EPCAM: variants seen among roughly 807,000 people sequenced by gnomAD.
EPCAM encodes adenocarcinoma-associated antigen.
EPCAM carries 39 observed loss-of-function variants against 40.0 expected under a neutral mutation model. The ratio of observed to expected loss-of-function variants is 0.98; its 90% confidence interval spans 0.76 to 1.27. EPCAM has a LOEUF of 1.27. Among genes scored for constraint, EPCAM ranks in the 50% most tolerant of loss-of-function variants. The pLI is 0.00. For missense variants in EPCAM, 503 were observed against 381.2 expected (o/e 1.32, Z -2.66); for synonymous variants, 168 against 132.3 (o/e 1.27, Z -1.85).
chr2:47,370,686 C>T (rs1227309749), intron 1 of EPCAM, among the ~76,000 whole-genome samples: 1 of 152,012 alleles, frequency 6.6e-6, no homozygotes, highest in East Asian at 1.9e-4. Flanking sequence ...CATCCTTCTG[C>T]GTCAGCCTTT....
At chr2:47,373,428 A>G in intron 1 of EPCAM, 35 bp from the exon 2 acceptor site, 1 of 1,357,466 alleles carries the variant, frequency 7.4e-7, no homozygotes, top group Non-Finnish European at 1.0e-6. Context: ...TAATAGATCC[A>G]CATTTTAAAG....
chr2:47,384,230 A>G (rs761946091), intron 7 of EPCAM, among the ~76,000 whole-genome samples: 6 of 151,028 alleles, frequency 4.0e-5, no homozygotes, highest in Non-Finnish European at 5.9e-5. Context: ...CAGCCTCCCG[A>G]GTAGATGGGA....
In EPCAM at chr2:47,382,520, C is replaced by A. The variant is rs111974072; in HGVS notation, c.858+2551C>A. 2.7e-3 allele frequency among the ~76,000 whole-genome samples: 407 copies of A among 152,212 alleles called. 3 individuals carry two copies. Among genetic ancestry groups the A allele is most frequent in the African/African-American group, 8.2e-3 (339 of 41,522 alleles). The stretch of plus-strand genomic sequence containing the variant: ...TGACCAACACGGAGAAACCCCGTCT[C>A]TACTAAAAATACAAAATGAGCCAGG... On this transcript the variant is annotated intron_variant, in intron 7 of 8. Transcript: ENST00000263735.
chr2:47,384,853 C>T (rs773126174), intron 7 of EPCAM, among the ~76,000 whole-genome samples: 16 of 152,186 alleles, frequency 1.1e-4, no homozygotes, highest in African/African-American at 3.6e-4. Context: ...ACTACAGGTG[C>T]GTGCCATGAC....
chr2:47,386,597 G>A lies in EPCAM; in HGVS notation c.929G>A (p.Arg310Lys). Residue 310 changes from arginine to lysine, a missense_variant, in exon 9 of 9, where the codon AGG (arginine) becomes AAG (lysine). Coordinates refer to ENST00000263735, the MANE Select transcript of EPCAM (RefSeq NM_002354.3). ...AEIKEMGEMH[R>K]ELNA is the part of the protein sequence containing the mutation. ...ATAAAGGAGATGGGTGAGATGCATA[G>A]GGAACTCAATGCATAACTATATAAT... is the stretch of plus-strand genomic sequence containing the variant. 1 of 1,606,596 alleles carries A rather than the reference G, an allele frequency of 6.2e-7. No homozygotes were observed. Among genetic ancestry groups the A allele is most frequent in the Non-Finnish European group, 8.5e-7 (1 of 1,174,146 alleles).
chr2:47,375,350 T>A, intron 4 of EPCAM, 51 bp downstream of exon 4: 2 of 1,174,114 alleles, frequency 1.7e-6, no homozygotes, highest in Non-Finnish European at 2.6e-6. Flanking sequence ...GGCTCAAATC[T>A]TCCATCCTAC....
chr2:47,371,328 A>G (rs1172632563), intron 1 of EPCAM, among the ~76,000 whole-genome samples: 1 of 151,192 alleles, frequency 6.6e-6, no homozygotes, highest in Non-Finnish European at 1.5e-5. Context: ...TGGCACATTT[A>G]CATGTCACTG....
chr2:47,375,709 T>A (rs917529647), intron 4 of EPCAM, among the ~76,000 whole-genome samples: 10 of 146,952 alleles, frequency 6.8e-5, no homozygotes, highest in African/African-American at 2.5e-4. Flanking sequence ...TAGGAAAAAT[T>A]TTTTTTTTTT....
rs565682940 is a variant in EPCAM at position 47,379,831 on chromosome 2, G to A, written c.720G>A (p.Leu240=). ...ACCTGACAGTAAATGGGGAACAACT[G>A]GATCTGGATCCTGGTCAAACTTTAA... The part of the protein sequence containing the change: ...KMDLTVNGEQ[L]DLDPGQTLIY... The change falls in exon 7 of 9, where the codon CTG becomes CTA. Residue 240 remains leucine (L), a synonymous_variant. Transcript: ENST00000263735. The A allele has an allele frequency of 6.2e-7, 1 of 1,614,026 alleles. No homozygotes were observed. The highest frequency in any genetic ancestry group is 1.3e-5 in the African/African-American group (1 of 75,020).
chr2:47,377,195 G>A lies in EPCAM; in HGVS notation c.555+118G>A, dbSNP rs1050328172. 2.5e-5 allele frequency: 19 copies of A among 770,646 alleles called. No homozygotes were observed. In the South Asian group the frequency reaches 2.5e-4, roughly 10 times the overall value. The allele number at this position is 770,646 out of a possible 1,614,324, so 47.7% of individuals were successfully genotyped here. Reference sequence around the variant, plus strand: ...ATGCACTTACTGGAGCAACAGTTTCGGATCTGGGTACTTAATGTGAATTTC... The same window carrying A: ...ATGCACTTACTGGAGCAACAGTTTCAGATCTGGGTACTTAATGTGAATTTC... On this transcript the variant is annotated intron_variant, in intron 5 of 8. Coordinates refer to ENST00000263735, the MANE Select transcript of EPCAM (RefSeq NM_002354.3).
chr2:47,383,801 A>C (rs1266406619), intron 7 of EPCAM, among the ~76,000 whole-genome samples: 1 of 148,948 alleles, frequency 6.7e-6, no homozygotes, highest in Non-Finnish European at 1.5e-5. Flanking sequence ...TACCTGGCTA[A>C]TTTTTTTGTA....
chr2:47,369,769 G>C (rs1285019204), intron 1 of EPCAM, 188 bp downstream of exon 1: 2 of 713,814 alleles, frequency 2.8e-6, no homozygotes, highest in Non-Finnish European at 5.2e-6. Flanking sequence ...GGCGAGGGCC[G>C]TCCCGGGGAG....
chr2:47,382,119 G>GTT (rs1671609460), intron 7 of EPCAM, among the ~76,000 whole-genome samples: 16 of 151,784 alleles, frequency 1.1e-4, no homozygotes, highest in African/African-American at 3.4e-4. Context: ...ATATGGCAAA[G>GTT]AAACTGTAAA....
chr2:47,373,080 C>A (rs1035208812), intron 1 of EPCAM, among the ~76,000 whole-genome samples: 1 of 151,814 alleles, frequency 6.6e-6, no homozygotes, highest in African/African-American at 2.4e-5. Context: ...TGGTGCATGG[C>A]TGTAGTCCCA....
In EPCAM at chr2:47,369,466, C is replaced by T. The variant is rs747979626; in HGVS notation, c.-40C>T. 2.4e-5 allele frequency: 35 copies of T among 1,447,372 alleles called. No individual in the cohort carries two copies. Among genetic ancestry groups the T allele is most frequent in the South Asian group, 5.3e-5 (4 of 74,852 alleles). 89.7% of individuals were successfully genotyped at this position (1,447,372 alleles called of 1,614,324 possible). On this transcript the variant is annotated 5_prime_UTR_variant, in exon 1 of 9. Transcript: ENST00000263735. ...CCGGCGCACGCCCTCCCGCGAGTCC[C>T]GGGCCCCTCCCGCGCCCCTCTTCTC...
chr2:47,378,906 T>G (rs1414803396), intron 5 of EPCAM, 47 bp from the exon 6 acceptor site: 1 of 848,948 alleles, frequency 1.2e-6, no homozygotes, highest in East Asian at 2.5e-5. Flanking sequence ...TTCAAATGAT[T>G]TTGATTATAT....
rs868796579 is a variant in EPCAM at position 47,376,517 on chromosome 2, C to T, written c.492-497C>T. 4.6e-5 allele frequency among the ~76,000 whole-genome samples: 7 copies of T among 152,268 alleles called. 1 individual carries two copies. The highest frequency in any genetic ancestry group is 3.4e-3 in the Middle Eastern group (1 of 294). ...TCAGGTGATCTGCCCACCTCAGCAT[C>T]CCAAAGTGCTGGGATTACAGGCATG... On this transcript the variant is annotated intron_variant, in intron 4 of 8. Coordinates refer to ENST00000263735, the MANE Select transcript of EPCAM (RefSeq NM_002354.3).
At chr2:47,377,773 T>C in intron 5 of EPCAM, 1 of 464,966 alleles carries the variant, frequency 2.2e-6, no homozygotes, top group South Asian at 1.6e-5. Flanking sequence ...AGCTCCCATC[T>C]TCTCTGCTTT....
chr2:47,385,550 C>T (rs115305264), intron 8 of EPCAM, among the ~76,000 whole-genome samples: 6 of 152,194 alleles, frequency 3.9e-5, no homozygotes, highest in African/African-American at 1.4e-4. Flanking sequence ...GATTTATTAT[C>T]TCTATGCCAG....
Sources: allele counts gnomAD v4.1 joint callset (sites outside exome capture counted in the v4.1 genomes callset), GRCh38; gene constraint gnomAD v4.1.1; transcripts MANE v1.5; gene names NCBI Gene and HGNC (gene_info 2026-07-23, HGNC 2026-07-21).